Variants in COX7B2 observed in about 807,000 individuals in gnomAD.
COX7B2 encodes the protein cytochrome c oxidase subunit 7B2, mitochondrial.
For missense variants in COX7B2, 109 were observed against 95.9 expected (o/e 1.14, Z -0.57); for synonymous variants, 37 against 32.1 (o/e 1.15, Z -0.51).
intron 2 of COX7B2, among the ~76,000 whole-genome samples, chr4:46,753,439 C>G (rs1199584453): frequency 6.6e-6 from 1 of 151,806 alleles, no homozygotes; most frequent in African/African-American, 2.4e-5. Flanking sequence ...CTTTGACAAA[C>G]CTGACAAAAA....
chr4:46,908,362 C>T (rs917542134), intron 1 of COX7B2, among the ~76,000 whole-genome samples: 1 of 152,254 alleles, frequency 6.6e-6, no homozygotes, highest in Non-Finnish European at 1.5e-5. Context: ...GACCAACACC[C>T]GTTTAATAGG....
At chr4:46,748,312 C>T (rs920895610) in intron 2 of COX7B2, among the ~76,000 whole-genome samples, 1 of 152,060 alleles carries the variant, frequency 6.6e-6, no homozygotes, top group African/African-American at 2.4e-5. Context: ...AAGCATATAC[C>T]CACCATGAAA....
intron 2 of COX7B2, among the ~76,000 whole-genome samples, chr4:46,830,583 C>T (rs993943414): frequency 1.3e-5 from 2 of 152,094 alleles, no homozygotes; most frequent in African/African-American, 4.8e-5. Context: ...TAGTTTGAAG[C>T]ATCTAAAATA....
intron 2 of COX7B2, among the ~76,000 whole-genome samples, chr4:46,771,314 A>G (rs1577686357): frequency 1.3e-5 from 2 of 152,296 alleles, no homozygotes; most frequent in Admixed American, 1.3e-4. Flanking sequence ...AAGAGATAAT[A>G]TTTGTTGGTG....
intron 2 of COX7B2, among the ~76,000 whole-genome samples, chr4:46,811,473 T>G (rs566819856): frequency 1.3e-5 from 2 of 152,288 alleles, no homozygotes; most frequent in Admixed American, 1.3e-4. Context: ...ATTATTTAGC[T>G]CCAAGAATTC....
At chr4:46,806,562 T>C (rs2109646600) in intron 2 of COX7B2, among the ~76,000 whole-genome samples, 1 of 152,220 alleles carries the variant, frequency 6.6e-6, no homozygotes, top group Non-Finnish European at 1.5e-5. Flanking sequence ...CAGCTACACA[T>C]TTAGCATGAA....
At chr4:46,798,816 A>G (rs1289732565) in intron 2 of COX7B2, among the ~76,000 whole-genome samples, 3 of 152,174 alleles carry the variant, frequency 2.0e-5, no homozygotes, top group African/African-American at 7.2e-5. Context: ...CTCTGAAGGC[A>G]TAAGTAAGTT....
intron 2 of COX7B2, among the ~76,000 whole-genome samples, chr4:46,821,238 A>G (rs1425393782): frequency 6.6e-6 from 1 of 152,236 alleles, no homozygotes. Flanking sequence ...GACGCACCAG[A>G]GAGAATTCAG....
At chr4:46,779,031 CAA>C (rs1174439765) in intron 2 of COX7B2, among the ~76,000 whole-genome samples, 1 of 152,118 alleles carries the variant, frequency 6.6e-6, no homozygotes, top group Non-Finnish European at 1.5e-5. Context: ...ATTCTTTTGA[CAA>C]AGAGTGTGGC....
intron 2 of COX7B2, among the ~76,000 whole-genome samples, chr4:46,815,353 G>A (rs925809761): frequency 6.6e-6 from 1 of 152,118 alleles, no homozygotes; most frequent in Non-Finnish European, 1.5e-5. Flanking sequence ...AATTGACACA[G>A]AGTTGATTCT....
intron 2 of COX7B2, among the ~76,000 whole-genome samples, chr4:46,828,398 G>C (rs1464793070): frequency 6.6e-6 from 1 of 152,124 alleles, no homozygotes; most frequent in Admixed American, 6.5e-5. Flanking sequence ...ACAAAATTCA[G>C]AAAGTTGGAT....
chr4:46,750,476 G>A (rs1245873218), intron 2 of COX7B2, among the ~76,000 whole-genome samples: 2 of 151,988 alleles, frequency 1.3e-5, no homozygotes, highest in Non-Finnish European at 2.9e-5. Flanking sequence ...CTAGTATCAA[G>A]ACTCTTTATG....
rs534941048 is a variant in COX7B2, at chr4:46,772,604, G to C, written c.-49-37363C>G. Among the ~76,000 whole-genome samples, 81 of 152,112 alleles carry C rather than the reference G, an allele frequency of 5.3e-4. No homozygotes were observed. The Middle Eastern group carries it at 0.01, about 19-fold the overall frequency. ...TGTATACCTCATTAAAGCTGGGAAG[G>C]AGGAAAAAAGAAAGAAAGGGAGAGA... On this transcript the variant is annotated intron_variant, in intron 2 of 2. Transcript: ENST00000355591.
intron 2 of COX7B2, among the ~76,000 whole-genome samples, chr4:46,829,549 C>A (rs1714926185): frequency 6.6e-6 from 1 of 152,118 alleles, no homozygotes; most frequent in Admixed American, 6.5e-5. Context: ...ATAAGACACA[C>A]ATGTAGCTAT....
At chr4:46,863,037 C>G (rs1717429432) in intron 1 of COX7B2, among the ~76,000 whole-genome samples, 1 of 151,990 alleles carries the variant, frequency 6.6e-6, no homozygotes, top group African/African-American at 2.4e-5. Context: ...GTAAAGAGTT[C>G]AGGATTTCTT....
chr4:46,796,286 AAAGGGAATGCTTCC>A (rs1263893445), intron 2 of COX7B2, among the ~76,000 whole-genome samples: 1 of 147,752 alleles, frequency 6.8e-6, no homozygotes, highest in East Asian at 2.0e-4. Flanking sequence ...GCCGGTTTTC[AAAGGGAATGCTTCC>A]AGTTTTTGCC....
chr4:46,898,783 C>T (rs1213935434), intron 1 of COX7B2, among the ~76,000 whole-genome samples: 1 of 152,080 alleles, frequency 6.6e-6, no homozygotes, highest in Non-Finnish European at 1.5e-5. Context: ...TTTCACTTCC[C>T]TATTTAAAAA....
chr4:46,907,848 C>CTTTTTTTTTTTTTTTT lies in COX7B2; in HGVS notation c.-105+1296_-105+1311dup, dbSNP rs35024713. On this transcript the variant is annotated intron_variant, in intron 1 of 2. Coordinates refer to ENST00000355591, the MANE Select transcript of COX7B2 (RefSeq NM_130902.3). Reference sequence around the variant, plus strand: ...TATAAAAGATCAGAATTTGAGCAGACTTTTTTTTTTTTTTTTTTTTTTTTG... The same window carrying CTTTTTTTTTTTTTTTT: ...TATAAAAGATCAGAATTTGAGCAGACTTTTTTTTTTTTTTTTTTTTTTTTTTTTTTTTTTTTTTTTG... 3.3e-4 allele frequency among the ~76,000 whole-genome samples: 20 copies of CTTTTTTTTTTTTTTTT among 59,720 alleles called. 3 individuals carry two copies. Among genetic ancestry groups the CTTTTTTTTTTTTTTTT allele is most frequent in the East Asian group, 1.3e-3 (2 of 1,546 alleles). The allele number at this position is 59,720 out of a possible 152,430, so 39.2% of individuals were successfully genotyped here.
chr4:46,802,216 C>T (rs148930633), intron 2 of COX7B2, among the ~76,000 whole-genome samples: 4 of 152,204 alleles, frequency 2.6e-5, no homozygotes, highest in African/African-American at 9.6e-5. Context: ...TGCTTCCTAC[C>T]TAAGACCTGG....
Sources: gnomAD v4.1 joint callset for allele counts (sites outside exome capture counted in the v4.1 genomes callset) on GRCh38, gnomAD v4.1.1 for gene constraint, MANE v1.5 for transcripts, NCBI Gene and HGNC (gene_info 2026-07-23, HGNC 2026-07-21) for gene names.